Variants in PLCG2 observed in about 807,000 individuals in gnomAD.
PLCG2 encodes 1-phosphatidylinositol 4,5-bisphosphate phosphodiesterase gamma-2.
PLCG2 carries 69 observed loss-of-function variants against 175.6 expected under a neutral mutation model. The observed-to-expected ratio is 0.39, with a 90% CI of 0.32 to 0.48. The LOEUF (loss-of-function observed/expected upper bound fraction) is 0.48. Ranked by LOEUF, PLCG2 falls within the 20% of genes least tolerant of loss-of-function variation. The pLI, the probability that PLCG2 is intolerant of heterozygous loss-of-function variation, is 0.91. For missense variants in PLCG2, 1,798 were observed against 1,650.9 expected (o/e 1.09, Z -1.54); for synonymous variants, 827 against 624.0 (o/e 1.33, Z -4.85).
intron 3 of PLCG2, among the ~76,000 whole-genome samples, chr16:81,855,038 T>C (rs7191743): frequency 0.26 from 39,487 of 151,678 alleles, 5,629 homozygotes; most frequent in Non-Finnish European, 0.32. Flanking sequence ...GGTGAAACCC[T>C]GTCTCTACTA....
intron 2 of PLCG2, among the ~76,000 whole-genome samples, chr16:81,800,371 C>G (rs905249956): frequency 6.6e-6 from 1 of 152,148 alleles, no homozygotes; most frequent in African/African-American, 2.4e-5. Context: ...CATCCTTACC[C>G]TGCTCCCCAA....
In PLCG2 at chr16:81,893,871, T is replaced by A. The variant is rs528110006; in HGVS notation, c.1072+77T>A. ...CCATGTGGTTGCTCCATGTTTTCTT[T>A]CGAATTGTAAAAAGGTTTTAATGGA... On this transcript the variant is annotated intron_variant, in intron 12 of 32. Transcript: ENST00000564138. 269 of 898,526 alleles carry A rather than the reference T, an allele frequency of 3.0e-4. No homozygotes were observed. In the African/African-American group the frequency reaches 4.1e-3, roughly 14 times the overall value. 55.7% of individuals were successfully genotyped at this position (898,526 alleles called of 1,614,324 possible).
chr16:81,930,747 C>CAA (rs34004978), intron 24 of PLCG2, among the ~76,000 whole-genome samples: 58,380 of 125,344 alleles, frequency 0.47, 13,823 homozygotes, highest in East Asian at 0.75. Context: ...CACCCTGTCT[C>CAA]AAAAAAAAAA....
At chr16:81,889,479 G>T in intron 10 of PLCG2, 3 of 485,954 alleles carry the variant, frequency 6.2e-6, no homozygotes, top group South Asian at 2.7e-5. Context: ...CTGCCCAGTG[G>T]GTTCATTTTG....
chr16:81,785,803 G>A (rs1235935505), intron 1 of PLCG2, 140 bp from the exon 2 acceptor site: 16 of 574,984 alleles, frequency 2.8e-5, no homozygotes, highest in African/African-American at 9.4e-5. Flanking sequence ...AGTGGCCAGC[G>A]ATGCCTTGCC....
At chr16:81,877,706 T>A (rs1907869326) in intron 7 of PLCG2, among the ~76,000 whole-genome samples, 1 of 151,930 alleles carries the variant, frequency 6.6e-6, no homozygotes, top group Non-Finnish European at 1.5e-5. Context: ...GGCATTGCTC[T>A]TTGGTGTGCA....
At chr16:81,778,061 A>AC, upstream of PLCG2, among the ~76,000 whole-genome samples, 2 of 115,356 alleles carry the variant, frequency 1.7e-5, no homozygotes, top group Non-Finnish European at 3.5e-5. Context: ...AAAACAAAAA[A>AC]AACCAAAAAC....
At chr16:81,907,261 C>T (rs1280146394) in intron 15 of PLCG2, among the ~76,000 whole-genome samples, 3 of 151,894 alleles carry the variant, frequency 2.0e-5, no homozygotes, top group Admixed American at 6.5e-5. Context: ...AAGAACTTAA[C>T]CCTGGTACTT....
At chr16:81,946,154 T>G in intron 30 of PLCG2, 21 bp from the exon 31 acceptor site, 1 of 1,598,434 alleles carries the variant, frequency 6.3e-7, no homozygotes, top group African/African-American at 1.3e-5. Context: ...CCTTTGCATT[T>G]TCCTCCTTGT....
intron 2 of PLCG2, among the ~76,000 whole-genome samples, chr16:81,772,035 G>A (rs1018658021): frequency 6.6e-6 from 1 of 152,080 alleles, no homozygotes; most frequent in African/African-American, 2.4e-5. Flanking sequence ...TGCCCACTTC[G>A]GCTTCCCAAA....
At chr16:81,902,881 G>T (rs1053248852) in intron 14 of PLCG2, among the ~76,000 whole-genome samples, 1 of 152,178 alleles carries the variant, frequency 6.6e-6, no homozygotes, top group Admixed American at 6.5e-5. Flanking sequence ...AAGAGAGCTT[G>T]TTCAGGGAAA....
chr16:81,802,372 A>G (rs185234329), intron 2 of PLCG2, among the ~76,000 whole-genome samples: 5 of 151,222 alleles, frequency 3.3e-5, no homozygotes, highest in Non-Finnish European at 7.4e-5. Context: ...TCGGCCTCCC[A>G]AAGTGCTGGG....
intron 3 of PLCG2, among the ~76,000 whole-genome samples, chr16:81,854,995 A>G (rs1906610144): frequency 6.6e-6 from 1 of 152,068 alleles, no homozygotes; most frequent in African/African-American, 2.4e-5. Flanking sequence ...AGATCACTTG[A>G]GGTCAGGAGT....
Position 81,960,764 on chromosome 16 carries a change from AAGTCGCCATGGCC to A in PLCG2, c.*2770_*2782del, listed in dbSNP as rs1371349601. ...TGTGACCTAGTTAAAATCTAAACTT[AAGTCGCCATGGCC>A]AGTGGCCTTTAGATTAAGCTAGCCT... On this transcript the variant is annotated 3_prime_UTR_variant, in exon 33 of 33. Transcript: ENST00000564138. 8.7e-6 allele frequency: 2 copies of A among 228,916 alleles called. No individual in the cohort carries two copies. Among genetic ancestry groups the A allele is most frequent in the Non-Finnish European group, 1.7e-5 (2 of 115,424 alleles). 14.2% of individuals were successfully genotyped at this position (228,916 alleles called of 1,614,324 possible).
intron 2 of PLCG2, among the ~76,000 whole-genome samples, chr16:81,792,406 G>A (rs961217890): frequency 2.1e-5 from 3 of 139,832 alleles, no homozygotes; most frequent in African/African-American, 5.3e-5. Flanking sequence ...GCTTGAATGT[G>A]CAAGGCGGAG....
intron 2 of PLCG2, among the ~76,000 whole-genome samples, chr16:81,830,859 T>C (rs796955235): frequency 2.6e-5 from 4 of 151,704 alleles, no homozygotes; most frequent in African/African-American, 9.7e-5. Context: ...TATATGCAAG[T>C]GCAGAGACAG....
chr16:81,788,309 C>G (rs571978747), intron 2 of PLCG2, among the ~76,000 whole-genome samples: 8 of 152,164 alleles, frequency 5.3e-5, no homozygotes, highest in African/African-American at 1.4e-4. Context: ...TAGACAGAGT[C>G]TCGCTCTGTT....
At chr16:81,952,281 A>G (rs12921605) in intron 31 of PLCG2, among the ~76,000 whole-genome samples, 10,706 of 152,164 alleles carry the variant, frequency 0.07, 407 homozygotes, top group Non-Finnish European at 0.089. Flanking sequence ...ATATATTCAC[A>G]CGTAGATGAA....
chr16:81,753,215 G>C (rs558451981), intron 1 of PLCG2, among the ~76,000 whole-genome samples: 8 of 152,162 alleles, frequency 5.3e-5, no homozygotes, highest in African/African-American at 1.7e-4. Flanking sequence ...GTGCAACCAA[G>C]CTCAGGTCCA....
Sources: gnomAD v4.1 joint callset for allele counts (sites outside exome capture counted in the v4.1 genomes callset) on GRCh38, gnomAD v4.1.1 for gene constraint, MANE v1.5 for transcripts, NCBI Gene and HGNC (gene_info 2026-07-23, HGNC 2026-07-21) for gene names.